SUGCT: variants seen among roughly 807,000 people sequenced by gnomAD.
SUGCT encodes the protein succinyl-CoA:glutarate-CoA transferase.
A neutral mutation model predicts 55.0 loss-of-function variants in SUGCT; 41 were observed. That is an observed-to-expected ratio of 0.74 (90% CI 0.58 to 0.97). SUGCT has a LOEUF of 0.97. Ranked by LOEUF, SUGCT falls within the 50% of genes least tolerant of loss-of-function variation. The pLI is 0.00. For synonymous variants in SUGCT, 187 were observed against 200.4 expected, an observed-to-expected ratio of 0.93 and a Z score of 0.56; for missense variants, 568 against 547.8, an observed-to-expected ratio of 1.04 and a Z score of -0.37.
At chr7:40,197,436 G>A (rs1242141395) in intron 6 of SUGCT, among the ~76,000 whole-genome samples, 3 of 152,148 alleles carry the variant, frequency 2.0e-5, no homozygotes, top group East Asian at 1.9e-4. Context: ...ATGACAATAA[G>A]CATTTATTTC....
chr7:40,954,347 T>G, the SUGCT span, among the ~76,000 whole-genome samples: 1 of 152,226 alleles, frequency 6.6e-6, no homozygotes, highest in African/African-American at 2.4e-5. Context: ...AGGTGCCATC[T>G]GTCACAGCTT....
rs1258360574 is a variant in SUGCT at position 40,797,570 on chromosome 7, A to T, written c.1153+48073A>T. On this transcript the variant is annotated intron_variant, in intron 13 of 13. Transcript: ENST00000335693. ...TCCATGTCATATATCTCTTAGATTT[A>T]TCCCTTCCTCTCCATTCCTACATTT... Among the ~76,000 whole-genome samples, 6 of 152,252 alleles carry T rather than the reference A, an allele frequency of 3.9e-5. No individual in the cohort carries two copies. The Middle Eastern group carries it at 0.01, about 259-fold the overall frequency.
At chr7:40,272,179 T>TATATATAC (rs1792099992) in intron 7 of SUGCT, among the ~76,000 whole-genome samples, 1 of 59,940 alleles carries the variant, frequency 1.7e-5, no homozygotes, top group Non-Finnish European at 3.0e-5. Context: ...TATATATATA[T>TATATATAC]ATATATATAT....
intron 9 of SUGCT, among the ~76,000 whole-genome samples, chr7:40,361,604 A>T (rs1189465869): frequency 1.3e-5 from 2 of 151,364 alleles, no homozygotes; most frequent in Admixed American, 1.3e-4. Context: ...AAATTCAAAC[A>T]CTCTAGGAAG....
intron 1 of SUGCT, among the ~76,000 whole-genome samples, chr7:40,171,087 G>C (rs1345694566): frequency 2.0e-5 from 3 of 152,190 alleles, no homozygotes; most frequent in Non-Finnish European, 4.4e-5. Flanking sequence ...GATTGAGATA[G>C]AGTTTTTGCC....
intron 6 of SUGCT, among the ~76,000 whole-genome samples, chr7:40,236,442 C>CA (rs60720770): frequency 0.042 from 3,752 of 90,042 alleles, 185 homozygotes; most frequent in African/African-American, 0.09. Context: ...TTTCTGATGG[C>CA]AAAAAAAAAA....
intron 12 of SUGCT, among the ~76,000 whole-genome samples, chr7:40,598,358 G>A (rs190768174): frequency 1.6e-3 from 238 of 152,288 alleles, no homozygotes; most frequent in African/African-American, 5.0e-3. Flanking sequence ...CAAAAGGGAC[G>A]AAATCAACGT....
chr7:40,608,470 C>G (rs1246301208), intron 12 of SUGCT, among the ~76,000 whole-genome samples: 1 of 152,150 alleles, frequency 6.6e-6, no homozygotes, highest in Non-Finnish European at 1.5e-5. Context: ...ATGAGTAACA[C>G]ATGATATTTT....
chr7:40,647,834 A>G (rs916847144), intron 12 of SUGCT, among the ~76,000 whole-genome samples: 1 of 152,062 alleles, frequency 6.6e-6, no homozygotes, highest in Non-Finnish European at 1.5e-5. Flanking sequence ...AAAAAAAAAA[A>G]AAGTTAGACC....
chr7:40,812,501 T>A (rs920730363), intron 13 of SUGCT, among the ~76,000 whole-genome samples: 2 of 152,156 alleles, frequency 1.3e-5, no homozygotes, highest in Non-Finnish European at 2.9e-5. Context: ...TTTTTTCTAG[T>A]TTGCACGCAT....
At chr7:40,356,453 A>G (rs1797891890) in intron 9 of SUGCT, among the ~76,000 whole-genome samples, 1 of 152,306 alleles carries the variant, frequency 6.6e-6, no homozygotes, top group African/African-American at 2.4e-5. Context: ...TATCCCTATT[A>G]CAGGCATGGA....
At chr7:40,471,528 T>C (rs1424445458) in intron 11 of SUGCT, among the ~76,000 whole-genome samples, 3 of 152,014 alleles carry the variant, frequency 2.0e-5, no homozygotes, top group Non-Finnish European at 4.4e-5. Context: ...AGTAACAAGA[T>C]GTGTATGGGG....
chr7:40,941,271 C>T, the SUGCT span, among the ~76,000 whole-genome samples: 1 of 151,944 alleles, frequency 6.6e-6, no homozygotes, highest in South Asian at 2.1e-4. Context: ...GTTTTGATAA[C>T]TTATGTTGCT....
chr7:40,239,800 T>C (rs1789254450), intron 7 of SUGCT, among the ~76,000 whole-genome samples: 1 of 152,228 alleles, frequency 6.6e-6, no homozygotes, highest in African/African-American at 2.4e-5. Flanking sequence ...AAACATTGCT[T>C]TATATACTTT....
intron 12 of SUGCT, among the ~76,000 whole-genome samples, chr7:40,500,434 T>C (rs1378785815): frequency 6.6e-6 from 1 of 152,146 alleles, no homozygotes; most frequent in Non-Finnish European, 1.5e-5. Flanking sequence ...TCTAAAAGGA[T>C]ACCAAAACAA....
At chr7:40,813,326 T>C (rs533937869) in intron 13 of SUGCT, among the ~76,000 whole-genome samples, 1 of 152,342 alleles carries the variant, frequency 6.6e-6, no homozygotes, top group Non-Finnish European at 1.5e-5. Context: ...TTCCCCACTA[T>C]TATTGTGTGG....
chr7:40,764,881 T>C (rs1788701827), intron 13 of SUGCT, among the ~76,000 whole-genome samples: 1 of 152,052 alleles, frequency 6.6e-6, no homozygotes, highest in African/African-American at 2.4e-5. Context: ...ATGCCACAGG[T>C]TGGGGCTGCA....
chr7:40,790,502 T>C (rs1436124825), intron 13 of SUGCT, among the ~76,000 whole-genome samples: 2 of 152,204 alleles, frequency 1.3e-5, no homozygotes, highest in East Asian at 1.9e-4. Flanking sequence ...TGAGCCATGA[T>C]ACAGAGGAGA....
At chr7:40,820,144 C>A (rs930768686) in intron 13 of SUGCT, among the ~76,000 whole-genome samples, 1 of 152,270 alleles carries the variant, frequency 6.6e-6, no homozygotes, top group East Asian at 1.9e-4. Context: ...GGTACCAGTA[C>A]CATGCTGTTT....
Sources: gnomAD v4.1 joint callset for allele counts (sites outside exome capture counted in the v4.1 genomes callset) on GRCh38, gnomAD v4.1.1 for gene constraint, MANE v1.5 for transcripts, NCBI Gene and HGNC (gene_info 2026-07-23, HGNC 2026-07-21) for gene names.